Variants in VAV1 observed in about 807,000 individuals in gnomAD.
VAV1 encodes the protein proto-oncogene vav.
VAV1 carries 33 observed loss-of-function variants against 128.1 expected under a neutral mutation model. The observed-to-expected ratio is 0.26, with a 90% CI of 0.20 to 0.34. The LOEUF (loss-of-function observed/expected upper bound fraction) is 0.34, where lower values mean the gene tolerates loss of function less well. Among genes scored for constraint, VAV1 ranks in the 10% least tolerant of loss-of-function variants. The pLI, the probability that VAV1 is intolerant of heterozygous loss-of-function variation, is 1.00. For missense variants in VAV1, 715 were observed against 1,093.7 expected (o/e 0.65, Z 4.88); for synonymous variants, 394 against 409.8 (o/e 0.96, Z 0.47).
In VAV1 at chr19:6,793,692, A is replaced by G. The variant is rs1211782220; in HGVS notation, c.204+20681A>G. Among the ~76,000 whole-genome samples, 4 of 152,300 alleles carry G rather than the reference A, an allele frequency of 2.6e-5. No homozygotes were observed. In the East Asian group the frequency reaches 7.7e-4, roughly 29 times the overall value. On this transcript the variant is annotated intron_variant, in intron 1 of 26. Coordinates refer to ENST00000602142, the MANE Select transcript of VAV1 (RefSeq NM_005428.4). ...TTTGATATGTTCTTACACTAGGGAC[A>G]GCAAATAATGTAGAACTCAGGAGAC...
In VAV1 at chr19:6,850,666, C is replaced by T. The variant is rs868475428; in HGVS notation, c.2130-4C>T. 4.3e-6 allele frequency: 7 copies of T among 1,613,938 alleles called. No individual in the cohort carries two copies. Among genetic ancestry groups the T allele is most frequent in the Non-Finnish European group, 5.1e-6 (6 of 1,179,958 alleles). On this transcript the variant is annotated splice_polypyrimidine_tract_variant and splice_region_variant and intron_variant, in intron 23 of 26. Coordinates refer to ENST00000602142, the MANE Select transcript of VAV1 (RefSeq NM_005428.4). ...CTCAGGGCCCGGTGACCATCTGGTT[C>T]CAGATATAACGTCGAGGTCAAGCAC...
Position 6,857,123 on chromosome 19 carries a change from C to T in VAV1, c.*16C>T, listed in dbSNP as rs753740110. ...ATACTGCTGAGCCCTGGTGCCTTGG[C>T]AGAGAGACGAGAAACTCCAGGCTCT... On this transcript the variant is annotated 3_prime_UTR_variant, in exon 27 of 27. Coordinates refer to ENST00000602142, the MANE Select transcript of VAV1 (RefSeq NM_005428.4). 11 of 1,613,708 alleles carry T rather than the reference C, an allele frequency of 6.8e-6. No homozygotes were observed. The highest frequency in any genetic ancestry group is 8.5e-6 in the Non-Finnish European group (10 of 1,179,938).
chr19:6,825,251 G>T (rs1195741296), intron 7 of VAV1, 52 bp from the exon 8 acceptor site: 1 of 1,584,472 alleles, frequency 6.3e-7, no homozygotes. Flanking sequence ...TTCCTTCCTG[G>T]CCCCCTGAGC....
intron 1 of VAV1, among the ~76,000 whole-genome samples, chr19:6,806,208 T>C (rs2144740080): frequency 6.6e-6 from 1 of 152,184 alleles, no homozygotes; most frequent in South Asian, 2.1e-4. Context: ...TGCTTCAGCC[T>C]CCCGAGTAGC....
chr19:6,791,970 G>T (rs954550376), intron 1 of VAV1, among the ~76,000 whole-genome samples: 5 of 149,762 alleles, frequency 3.3e-5, no homozygotes, highest in African/African-American at 1.2e-4. Context: ...TGGGAGGAAG[G>T]TACTTACCTA....
intron 21 of VAV1, among the ~76,000 whole-genome samples, chr19:6,839,230 T>C (rs1397361792): frequency 6.6e-6 from 1 of 151,024 alleles, no homozygotes; most frequent in Non-Finnish European, 1.5e-5. Context: ...TGATTTTTTT[T>C]TTTTTTAGAG....
intron 21 of VAV1, among the ~76,000 whole-genome samples, chr19:6,841,301 G>C (rs902527525): frequency 2.0e-5 from 3 of 152,120 alleles, no homozygotes; most frequent in African/African-American, 7.2e-5. Context: ...ACAATTGGTT[G>C]CTTCAACTTT....
rs181312403 is a variant in VAV1, at chr19:6,820,876, A to G, written c.321+58A>G. On this transcript the variant is annotated intron_variant, in intron 2 of 26. Coordinates refer to ENST00000602142, the MANE Select transcript of VAV1 (RefSeq NM_005428.4). The surrounding 1 kb of genome is among the most constrained non-coding windows in gnomAD (Gnocchi z 4.4). ...TTTCAGTTAATTTCTATTGACGTCT[A>G]CACTGGGCAAGCTAAGGACTGTCAG... 4.4e-5 allele frequency: 67 copies of G among 1,525,546 alleles called. No homozygotes were observed. In the Admixed American group the frequency reaches 8.9e-4, roughly 20 times the overall value. 94.5% of individuals were successfully genotyped at this position (1,525,546 alleles called of 1,614,324 possible). A position where few individuals can be genotyped will look rare whatever the true frequency, so the allele number is the denominator to read the frequency against.
intron 1 of VAV1, among the ~76,000 whole-genome samples, chr19:6,783,218 A>G (rs1404549389): frequency 6.6e-6 from 1 of 152,148 alleles, no homozygotes; most frequent in Non-Finnish European, 1.5e-5. Flanking sequence ...CCAAACCCTC[A>G]AAACACAAAA....
intron 1 of VAV1, among the ~76,000 whole-genome samples, chr19:6,814,675 T>TTCCTTTCTTTCTTCCTTC (rs1568299213): frequency 1.3e-5 from 1 of 77,150 alleles, no homozygotes; most frequent in African/African-American, 7.9e-5. Context: ...TTCCTTCCTT[T>TTCCTTTCTTTCTTCCTTC]CTTTCTTTCT....
rs140697515 is a variant in VAV1 at position 6,772,921 on chromosome 19, G to T, written c.114G>T (p.Arg38=). 6.2e-7 allele frequency: 1 copy of T among 1,613,976 alleles called. No individual in the cohort carries two copies. The highest frequency in any genetic ancestry group is 1.7e-5 in the Admixed American group (1 of 59,998). The change falls in exon 1 of 27, where the codon CGG becomes CGT. Residue 38 remains arginine (R), a synonymous_variant. Transcript: ENST00000602142. The surrounding 1 kb of genome is among the most constrained non-coding windows in gnomAD (Gnocchi z 4.8). ...TGTGTGAACTGGCCCAGGCCCTCCG[G>T]GATGGTGTCCTTCTGTGTCAGCTGC... ...AQVCELAQAL[R]DGVLLCQLLN...
Position 6,828,551 on chromosome 19 carries a change from C to T in VAV1, c.1092+64C>T. The T allele has an allele frequency of 1.2e-6, 2 of 1,613,680 alleles. No individual in the cohort carries two copies. Among genetic ancestry groups the T allele is most frequent in the South Asian group, 2.2e-5 (2 of 91,072 alleles). ...GACACCCTCCTGGTAGGGGCTGATCCTCTAGCCGGGATTAGGTAGGAGCCT... is the reference window on the plus strand; with the variant it reads ...GACACCCTCCTGGTAGGGGCTGATCTTCTAGCCGGGATTAGGTAGGAGCCT... On this transcript the variant is annotated intron_variant, in intron 11 of 26. Transcript: ENST00000602142. The surrounding 1 kb of genome is among the most constrained non-coding windows in gnomAD (Gnocchi z 4.5).
Position 6,828,011 on chromosome 19 carries a change from C to A in VAV1, c.928-65C>A, listed in dbSNP as rs542359599. On this transcript the variant is annotated intron_variant, in intron 9 of 26. Coordinates refer to ENST00000602142, the MANE Select transcript of VAV1 (RefSeq NM_005428.4). This position sits in a 1 kb window ranked among gnomAD's most constrained non-coding sequence, Gnocchi z 4.5. ...ACGTATTTATTCAAATCTATCTGCACCCACCCTGCAACTGGCTGTTTCTGG... is the reference window on the plus strand; with the variant it reads ...ACGTATTTATTCAAATCTATCTGCAACCACCCTGCAACTGGCTGTTTCTGG... The A allele has an allele frequency of 7.1e-7, 1 of 1,405,296 alleles. No homozygotes were observed. The highest frequency in any genetic ancestry group is 1.2e-5 in the South Asian group (1 of 86,580). The allele number at this position is 1,405,296 out of a possible 1,614,324, so 87.1% of individuals were successfully genotyped here.
At chr19:6,819,468 G>A (rs1971735921) in intron 1 of VAV1, among the ~76,000 whole-genome samples, 1 of 152,130 alleles carries the variant, frequency 6.6e-6, no homozygotes, top group Admixed American at 6.5e-5. Flanking sequence ...TACAATACAT[G>A]GCATTTTGTG....
chr19:6,825,920 G>A (rs1475022237), intron 8 of VAV1, among the ~76,000 whole-genome samples: 1 of 152,110 alleles, frequency 6.6e-6, no homozygotes, highest in African/African-American at 2.4e-5. Flanking sequence ...GCTGGGCGTG[G>A]TGGCATGCAC....
At position 6,854,132 on chromosome 19, in the gene VAV1, A is replaced by G. The variant is rs753734529; in HGVS notation, c.2484+34A>G. On this transcript the variant is annotated intron_variant, in intron 26 of 26. Transcript: ENST00000602142. ...GGCAGGGCTGGGTGACGGGGAGGGC[A>G]TGGGGGTTGAGCTGGTGGTGGACGA... is the stretch of plus-strand genomic sequence containing the variant. The G allele has an allele frequency of 3.7e-6, 6 of 1,606,612 alleles. No homozygotes were observed. In the South Asian group the frequency reaches 6.6e-5, roughly 18 times the overall value.
chr19:6,827,004 G>A (rs376128254), intron 9 of VAV1: 45 of 385,550 alleles, frequency 1.2e-4, no homozygotes, highest in Admixed American at 6.3e-4. Context: ...AGCACTGATT[G>A]TACCCCAAGT....
In VAV1 at chr19:6,777,550, GA is replaced by G. The variant is rs1376065037; in HGVS notation, c.204+4541del. Among the ~76,000 whole-genome samples, 1 of 152,190 alleles carries G rather than the reference GA, an allele frequency of 6.6e-6. No individual in the cohort carries two copies. Among genetic ancestry groups the G allele is most frequent in the African/African-American group, 2.4e-5 (1 of 41,452 alleles). On this transcript the variant is annotated intron_variant, in intron 1 of 26. Transcript: ENST00000602142. This position sits in a 1 kb window ranked among gnomAD's most constrained non-coding sequence, Gnocchi z 4.4. ...CAGCAGAGACCTGGGGAAAATTAAG[GA>G]ATGAATCATGTGGATCTGGGGAAAT...
At chr19:6,837,082 C>T in intron 21 of VAV1, 32 bp downstream of exon 21, 1 of 1,610,312 alleles carries the variant, frequency 6.2e-7, no homozygotes, top group Non-Finnish European at 8.5e-7. Context: ...GGAATAAGGG[C>T]AAGGGGTCCA....
Sources: allele counts gnomAD v4.1 joint callset (sites outside exome capture counted in the v4.1 genomes callset), GRCh38; gene constraint gnomAD v4.1.1; non-coding constraint Gnocchi (gnomAD v3.1); transcripts MANE v1.5; gene names NCBI Gene and HGNC (gene_info 2026-07-23, HGNC 2026-07-21).